TOGARAM1: variants seen among roughly 807,000 people sequenced by gnomAD.
TOGARAM1 encodes the protein TOG array regulator of axonemal microtubules 1.
TOGARAM1 carries 100 observed loss-of-function variants against 166.6 expected under a neutral mutation model. The observed-to-expected ratio is 0.60, with a 90% confidence interval of 0.51 to 0.71. The LOEUF (loss-of-function observed/expected upper bound fraction) is 0.71, where lower values mean the gene tolerates loss of function less well. TOGARAM1 is among the 30% of genes least tolerant of loss of function. The probability of loss-of-function intolerance (pLI) is 0.00; values close to 1 mark genes in which losing one functional copy is unlikely to be tolerated. For synonymous variants in TOGARAM1, 758 were observed against 763.8 expected (o/e 0.99, Z 0.13); for missense variants, 2,029 against 2,102.7 (o/e 0.96, Z 0.69).
chr14:45,070,531 T>C (rs1046561382), intron 18 of TOGARAM1, among the ~76,000 whole-genome samples: 2 of 152,244 alleles, frequency 1.3e-5, no homozygotes, highest in African/African-American at 4.8e-5. Context: ...TGTAAATTTA[T>C]TTTTCTTCTC....
intron 17 of TOGARAM1, 123 bp downstream of exon 17, chr14:45,066,890 C>G: frequency 1.6e-6 from 1 of 636,748 alleles, no homozygotes; most frequent in Non-Finnish European, 2.6e-6. Context: ...CAAGCCCAAC[C>G]TGGGCAACAT....
In TOGARAM1 at chr14:45,061,946, G is replaced by A. The variant is rs867007952; in HGVS notation, c.4560-4632G>A. Among the ~76,000 whole-genome samples the A allele has an allele frequency of 3.9e-5, 6 of 151,982 alleles. No homozygotes were observed. In the East Asian group the frequency reaches 7.7e-4, roughly 19 times the overall value. ...AATATTTGGAGATTTTCTAAATATC[G>A]TTTTGTTAATGATTTTAAATTTAGT... On this transcript the variant is annotated intron_variant, in intron 16 of 19. Transcript: ENST00000361462.
rs144072860 is a variant in TOGARAM1 at position 44,966,763 on chromosome 14, G to T, written c.2046+2296G>T. Among the ~76,000 whole-genome samples, 114 of 152,076 alleles carry T rather than the reference G, an allele frequency of 7.5e-4. 2 individuals carry two copies. The East Asian group carries it at 0.02, about 27-fold the overall frequency. On this transcript the variant is annotated intron_variant, in intron 1 of 19. Coordinates refer to ENST00000361462, the MANE Select transcript of TOGARAM1 (RefSeq NM_001308120.2). ...GAGGCCAGGAGTTCGAGACCAGCCT[G>T]GGCAACATAGTGAGATCCCCATCTC...
intron 11 of TOGARAM1, among the ~76,000 whole-genome samples, chr14:45,039,736 G>C (rs1317519637): frequency 2.6e-5 from 4 of 152,186 alleles, no homozygotes; most frequent in Non-Finnish European, 4.4e-5. Context: ...GGGCAGGGGG[G>C]TTTCCAGGGC....
Position 44,963,470 on chromosome 14 carries a change from T to C in TOGARAM1, c.1049T>C (p.Ile350Thr), listed in dbSNP as rs754605997. 6.2e-7 allele frequency: 1 copy of C among 1,614,162 alleles called. No individual in the cohort carries two copies. The highest frequency in any genetic ancestry group is 1.1e-5 in the South Asian group (1 of 91,078). Reference sequence around the variant, plus strand: ...TCCAACAGCAATCTTAAATTTGGGATTATTCCTCAGGAGCTGCATTCACGA... The same window carrying C: ...TCCAACAGCAATCTTAAATTTGGGACTATTCCTCAGGAGCTGCATTCACGA... ...TLSNSNLKFGIIPQELHSRLL... is the reference protein window; with the variant it reads ...TLSNSNLKFGTIPQELHSRLL... The change falls in exon 1 of 20, where the codon ATT (isoleucine) becomes ACT (threonine). Residue 350 changes from isoleucine (I) to threonine (T), a missense_variant. By Grantham distance (89) the Ile-to-Thr change is moderately conservative (BLOSUM62 -1). Transcript: ENST00000361462.
Position 44,963,203 on chromosome 14 carries a change from C to G in TOGARAM1, c.782C>G (p.Ala261Gly), listed in dbSNP as rs752851971. ...CTCACCGAGGTGATAATATCCCTAG[C>G]CCGAAAGCTTGGTGATCAGGAGACA... Reference protein sequence around the residue: ...LDLTEVIISLARKLGDQETEE... With the variant: ...LDLTEVIISLGRKLGDQETEE... Residue 261 changes from alanine (A) to glycine (G), a missense_variant, in exon 1 of 20, where the codon GCC (alanine) becomes GGC (glycine). Transcript: ENST00000361462. 8.7e-6 allele frequency: 14 copies of G among 1,614,170 alleles called. No individual in the cohort carries two copies. The Admixed American group carries it at 2.3e-4, about 27-fold the overall frequency.
intron 1 of TOGARAM1, among the ~76,000 whole-genome samples, chr14:44,987,999 G>C (rs1345416621): frequency 2.0e-5 from 3 of 151,062 alleles, no homozygotes; most frequent in Non-Finnish European, 4.4e-5. Context: ...GCAAACTATC[G>C]CAAGGACAAA....
chr14:45,063,478 AG>A (rs1333013967), intron 16 of TOGARAM1, among the ~76,000 whole-genome samples: 2 of 134,002 alleles, frequency 1.5e-5, no homozygotes, highest in African/African-American at 3.5e-5. Context: ...CATTTGACAA[AG>A]TTTTTTTTTT....
chr14:45,066,883 G>A, intron 17 of TOGARAM1, 116 bp downstream of exon 17: 1 of 716,842 alleles, frequency 1.4e-6, no homozygotes, highest in Non-Finnish European at 2.2e-6. Context: ...CAAAGTTCAA[G>A]CCCAACCTGG....
chr14:44,984,802 A>G (rs575884900), intron 1 of TOGARAM1, among the ~76,000 whole-genome samples: 2 of 151,918 alleles, frequency 1.3e-5, no homozygotes, highest in East Asian at 3.9e-4. Context: ...ATTAAAAATA[A>G]TAATTAAAAA....
chr14:44,974,843 C>T (rs200691331), intron 1 of TOGARAM1, among the ~76,000 whole-genome samples: 14 of 152,010 alleles, frequency 9.2e-5, no homozygotes, highest in East Asian at 7.7e-4. Context: ...TCTCTTCAGA[C>T]TTTGTTTTTA....
chr14:45,055,590 G>A (rs1262926530), intron 16 of TOGARAM1, among the ~76,000 whole-genome samples: 1 of 151,960 alleles, frequency 6.6e-6, no homozygotes, highest in Non-Finnish European at 1.5e-5. Flanking sequence ...GGATCACGAG[G>A]TCAGGAGTTC....
At position 45,073,635 on chromosome 14, in the gene TOGARAM1, TA is replaced by T. The variant is rs1235830715; in HGVS notation, c.*75del. On this transcript the variant is annotated 3_prime_UTR_variant, in exon 20 of 20. Coordinates refer to ENST00000361462, the MANE Select transcript of TOGARAM1 (RefSeq NM_001308120.2). ...AAATGGAACTTTCTAAAAGTTATGT[TA>T]TCAGTGCCTGCACTTCACATCCAGC... 1.1e-5 allele frequency: 15 copies of T among 1,389,822 alleles called. No individual in the cohort carries two copies. The highest frequency in any genetic ancestry group is 1.5e-5 in the Non-Finnish European group (15 of 1,028,132). 86.1% of individuals were successfully genotyped at this position (1,389,822 alleles called of 1,614,324 possible).
At chr14:44,978,864 A>T (rs1886365472) in intron 1 of TOGARAM1, among the ~76,000 whole-genome samples, 1 of 151,766 alleles carries the variant, frequency 6.6e-6, no homozygotes, top group South Asian at 2.1e-4. Flanking sequence ...GGTGGCATAT[A>T]CCTATAGGCC....
At chr14:44,966,108 A>G (rs905798347) in intron 1 of TOGARAM1, among the ~76,000 whole-genome samples, 2 of 148,976 alleles carry the variant, frequency 1.3e-5, no homozygotes, top group South Asian at 4.3e-4. Context: ...CTCCTGACCC[A>G]CCCGCCTCGG....
At position 45,052,585 on chromosome 14, in the gene TOGARAM1, A is replaced by G. The variant is rs760382453; in HGVS notation, c.4440+23A>G. On this transcript the variant is annotated intron_variant, in intron 15 of 19. Coordinates refer to ENST00000361462, the MANE Select transcript of TOGARAM1 (RefSeq NM_001308120.2). ...AAGGTATGTGGGAAAAGTTTGTTTTATAAACAGCTTTATAAGCAAAGCTTG... is the reference window on the plus strand; with the variant it reads ...AAGGTATGTGGGAAAAGTTTGTTTTGTAAACAGCTTTATAAGCAAAGCTTG... 14 of 1,575,522 alleles carry G rather than the reference A, an allele frequency of 8.9e-6. No homozygotes were observed. The South Asian group carries it at 1.2e-4, about 13-fold the overall frequency.
intron 1 of TOGARAM1, among the ~76,000 whole-genome samples, chr14:44,986,975 A>G (rs1190115318): frequency 5.3e-5 from 8 of 150,318 alleles, no homozygotes; most frequent in Middle Eastern, 3.2e-3. Context: ...ACTGCACTCC[A>G]GCCTGGGCGA....
At position 45,073,523 on chromosome 14, in the gene TOGARAM1, G is replaced by C; in HGVS notation, c.5284G>C (p.Glu1762Gln). 3.1e-6 allele frequency: 5 copies of C among 1,613,868 alleles called. No individual in the cohort carries two copies. Among genetic ancestry groups the C allele is most frequent in the Non-Finnish European group, 4.2e-6 (5 of 1,179,954 alleles). ...SQPPHIKKSL[E>Q]ELLDMTILNE... ...ACCACCACATATCAAAAAGAGTTTG[G>C]AGGAATTACTCGATATGACAATTTT... Residue 1762 changes from glutamate (E) to glutamine (Q), a missense_variant, in exon 20 of 20, where the codon GAG becomes CAG. This residue lies in a region of TOGARAM1 where 576 missense variants were observed against 670.5 expected (regional missense o/e 0.86). Coordinates refer to ENST00000361462, the MANE Select transcript of TOGARAM1 (RefSeq NM_001308120.2).
chr14:45,061,092 A>AT (rs1435901538), intron 16 of TOGARAM1, among the ~76,000 whole-genome samples: 1 of 151,990 alleles, frequency 6.6e-6, no homozygotes, highest in Non-Finnish European at 1.5e-5. Context: ...TCATTGGTTG[A>AT]TTTTTTTCTT....
Sources: allele counts gnomAD v4.1 joint callset (sites outside exome capture counted in the v4.1 genomes callset), GRCh38; gene constraint gnomAD v4.1.1; regional missense constraint gnomAD v4.1.1; transcripts MANE v1.5; gene names NCBI Gene and HGNC (gene_info 2026-07-23, HGNC 2026-07-21).